Variants in TCAF2 observed in about 807,000 individuals in gnomAD.
TCAF2 encodes the protein TRPM8 channel associated factor 2.
Under a neutral mutation model 33.9 loss-of-function variants are expected in TCAF2, and 6 were observed. The ratio of observed to expected loss-of-function variants is 0.18; its 90% CI spans 0.10 to 0.35. The LOEUF is 0.35. Among genes scored for constraint, TCAF2 ranks in the 10% least tolerant of loss-of-function variants. TCAF2 has a pLI of 1.00. For synonymous variants in TCAF2, 41 were observed against 247.8 expected, an observed-to-expected ratio of 0.17 and a Z score of 7.84; for missense variants, 109 against 604.0, an observed-to-expected ratio of 0.18 and a Z score of 8.59.
chr7:143,721,625 C>G (rs1178460502), intron 4 of TCAF2, among the ~76,000 whole-genome samples: 4 of 72,182 alleles, frequency 5.5e-5, no homozygotes, highest in African/African-American at 2.2e-4. Flanking sequence ...AACTATGACA[C>G]TTGAGTTTTT....
intron 2 of TCAF2, among the ~76,000 whole-genome samples, chr7:143,719,460 AATG>A (rs1436232855): frequency 1.4e-5 from 2 of 144,174 alleles, no homozygotes; most frequent in African/African-American, 2.6e-5. Context: ...TTGCCAATTA[AATG>A]ATAATATGCC....
chr7:143,701,767 T>TTTAC (rs1809169842), intron 1 of TCAF2, among the ~76,000 whole-genome samples: 5 of 47,614 alleles, frequency 1.1e-4, no homozygotes, highest in Admixed American at 2.0e-4. Context: ...TTTTACTTTA[T>TTTAC]TTTATTTTAT....
At position 143,724,525 on chromosome 7, in the gene TCAF2, C is replaced by G; in HGVS notation, c.2333C>G (p.Thr778Ser). The change falls in exon 7 of 8, where the codon ACC becomes AGC. Residue 778 changes from threonine to serine, a missense_variant. Physicochemically the swap from Thr to Ser is moderately conservative, Grantham distance 58. Coordinates refer to ENST00000684770, the MANE Select transcript of TCAF2 (RefSeq NM_001363538.2). ...WEFPPHTTEA[T>S]CNLWSVYVHE... is the part of the protein sequence containing the mutation. ...TTCCCCCCACACACTACTGAGGCCA[C>G]CTGTAACCTTTGGTCAGTCTACGTG... 1.2e-6 allele frequency: 2 copies of G among 1,610,924 alleles called. No homozygotes were observed. Among genetic ancestry groups the G allele is most frequent in the Non-Finnish European group, 1.7e-6 (2 of 1,179,452 alleles).
rs1486784815 is a variant in TCAF2 at position 143,728,174 on chromosome 7, G to T, written c.*507G>T. ...TCTGTCTTCACATCCATGACATGAG[G>T]ATACAAATCTTTTCCTCACAAAGCT... On this transcript the variant is annotated 3_prime_UTR_variant, in exon 8 of 8. Coordinates refer to ENST00000684770, the MANE Select transcript of TCAF2 (RefSeq NM_001363538.2). The T allele has an allele frequency of 5.4e-6, 1 of 183,564 alleles. No individual in the cohort carries two copies. Among genetic ancestry groups the T allele is most frequent in the African/African-American group, 2.4e-5 (1 of 41,694 alleles). 11.4% of individuals were successfully genotyped at this position (183,564 alleles called of 1,614,324 possible). A position where few individuals can be genotyped will look rare whatever the true frequency, so the allele number is the denominator to read the frequency against.
intron 1 of TCAF2, among the ~76,000 whole-genome samples, chr7:143,633,482 CATT>C (rs1331830319): frequency 6.4e-5 from 4 of 62,178 alleles, no homozygotes; most frequent in Non-Finnish European, 1.2e-4. Flanking sequence ...GTGTATGTAT[CATT>C]ATATTTTGCC....
intron 6 of TCAF2, 66 bp from the exon 7 acceptor site, chr7:143,724,294 G>A: frequency 9.9e-7 from 1 of 1,009,724 alleles, no homozygotes; most frequent in Non-Finnish European, 1.5e-6. Flanking sequence ...CAATAATGGA[G>A]AAGAATGAAG....
At chr7:143,718,568 ACCT>A (rs1363647357) in intron 2 of TCAF2, among the ~76,000 whole-genome samples, 1 of 150,684 alleles carries the variant, frequency 6.6e-6, no homozygotes. Context: ...TATTTAACCA[ACCT>A]CCTATTGCTT....
At chr7:143,724,823 T>G (rs557048542) in intron 7 of TCAF2, 126 bp downstream of exon 7, 1 of 1,577,418 alleles carries the variant, frequency 6.3e-7, no homozygotes, top group South Asian at 1.2e-5. Context: ...CCCCTGGAAA[T>G]GAGAGGGACT....
intron 2 of TCAF2, among the ~76,000 whole-genome samples, chr7:143,718,609 TA>T (rs879282889): frequency 1.4e-5 from 2 of 146,662 alleles, no homozygotes; most frequent in Non-Finnish European, 3.0e-5. Flanking sequence ...CAAATTGTTT[TA>T]AAAAAATTCT....
Position 143,724,485 on chromosome 7 carries a change from C to G in TCAF2, c.2293C>G (p.Arg765Gly). 1 of 1,609,436 alleles carries G rather than the reference C, an allele frequency of 6.2e-7. No individual in the cohort carries two copies. The highest frequency in any genetic ancestry group is 8.5e-7 in the Non-Finnish European group (1 of 1,178,798). Residue 765 changes from arginine (R) to glycine (G), a missense_variant, in exon 7 of 8, where the codon CGG becomes GGG. Transcript: ENST00000684770. ...CCATGAGCTGGGCCACAACCAACAG[C>G]GGCATGGATGGGAGTTCCCCCCACA... is the stretch of plus-strand genomic sequence containing the variant. ...PIHELGHNQQ[R>G]HGWEFPPHTT...
Position 143,708,460 on chromosome 7 carries a change from A to G in TCAF2, c.623+4843A>G, listed in dbSNP as rs1393241798. The stretch of plus-strand genomic sequence containing the variant: ...AGATTCATGTTTGAATTTTTGACCT[A>G]TTTTATAGGTGGTAGTATGCACTTC... On this transcript the variant is annotated intron_variant, in intron 2 of 7. Coordinates refer to ENST00000684770, the MANE Select transcript of TCAF2 (RefSeq NM_001363538.2). Among the ~76,000 whole-genome samples, 8 of 54,920 alleles carry G rather than the reference A, an allele frequency of 1.5e-4. 1 individual carries two copies. 36.0% of individuals were successfully genotyped at this position (54,920 alleles called of 152,430 possible).
intron 1 of TCAF2, chr7:143,647,297 G>A: frequency 2.6e-6 from 1 of 380,804 alleles, no homozygotes; most frequent in Non-Finnish European, 4.5e-6. Flanking sequence ...TTCAGATGGG[G>A]CTCCAGGCTG....
chr7:143,720,875 G>C, intron 3 of TCAF2: 1 of 633,396 alleles, frequency 1.6e-6, no homozygotes, highest in Non-Finnish European at 2.3e-6. Flanking sequence ...CACCTCCTGG[G>C]TTTAAGCAAT....
In TCAF2 at chr7:143,728,548, A is replaced by C. The variant is rs771919723; in HGVS notation, c.*881A>C. The C allele has an allele frequency of 1.3e-5, 2 of 152,148 alleles. No homozygotes were observed. The highest frequency in any genetic ancestry group is 2.9e-5 in the Non-Finnish European group (2 of 68,038). 9.4% of individuals were successfully genotyped at this position (152,148 alleles called of 1,614,324 possible). ...GGTTTGCCCTTTGCCCTTCAACCAA[A>C]GGACAAAGTCATGTTAACAGCTGCT... is the stretch of plus-strand genomic sequence containing the variant. On this transcript the variant is annotated 3_prime_UTR_variant, in exon 8 of 8. Coordinates refer to ENST00000684770, the MANE Select transcript of TCAF2 (RefSeq NM_001363538.2).
chr7:143,634,900 A>C (rs1808906744), intron 1 of TCAF2, among the ~76,000 whole-genome samples: 1 of 138,792 alleles, frequency 7.2e-6, no homozygotes, highest in Admixed American at 7.8e-5. Context: ...GAAATTAAAA[A>C]TACAAAAAAA....
At chr7:143,648,108 G>A (rs1232735237) in intron 1 of TCAF2, among the ~76,000 whole-genome samples, 3 of 101,600 alleles carry the variant, frequency 3.0e-5, no homozygotes, top group Non-Finnish European at 6.4e-5. Flanking sequence ...TAGTAGAGAC[G>A]GGGTTTCACC....
intron 1 of TCAF2, among the ~76,000 whole-genome samples, chr7:143,648,111 G>A (rs369561910): frequency 0.024 from 2,459 of 100,812 alleles, 42 homozygotes; most frequent in Middle Eastern, 0.033. Context: ...TAGAGACGGG[G>A]TTTCACCATG....
Position 143,728,131 on chromosome 7 carries a change from A to C in TCAF2, c.*464A>C. The C allele has an allele frequency of 5.2e-6, 1 of 193,454 alleles. No individual in the cohort carries two copies. Among genetic ancestry groups the C allele is most frequent in the East Asian group, 1.5e-4 (1 of 6,738 alleles). The allele number at this position is 193,454 out of a possible 1,614,324, so 12.0% of individuals were successfully genotyped here. A position where few individuals can be genotyped will look rare whatever the true frequency, so the allele number is the denominator to read the frequency against. ...ACCAGCTTTGGTTCTATGGAAAATC[A>C]CTCCACCTCTCTGTGTTTCTGTCTT... On this transcript the variant is annotated 3_prime_UTR_variant, in exon 8 of 8. Transcript: ENST00000684770.
Position 143,729,083 on chromosome 7 carries a change from A to G in TCAF2, c.*1416A>G, listed in dbSNP as rs952462062. ...TACACATCAAAGGTGTTCATGAAGT[A>G]TTTGTCAAAGGAAAGAACAGTAATG... On this transcript the variant is annotated 3_prime_UTR_variant, in exon 8 of 8. Coordinates refer to ENST00000684770, the MANE Select transcript of TCAF2 (RefSeq NM_001363538.2). 9 of 152,174 alleles carry G rather than the reference A, an allele frequency of 5.9e-5. No individual in the cohort carries two copies. Among genetic ancestry groups the G allele is most frequent in the Non-Finnish European group, 5.9e-5 (4 of 68,028 alleles). 9.4% of individuals were successfully genotyped at this position (152,174 alleles called of 1,614,324 possible).
Sources: allele counts gnomAD v4.1 joint callset (sites outside exome capture counted in the v4.1 genomes callset), GRCh38; gene constraint gnomAD v4.1.1; transcripts MANE v1.5; gene names NCBI Gene and HGNC (gene_info 2026-07-23, HGNC 2026-07-21).